COL23A1: variants seen among roughly 807,000 people sequenced by gnomAD.
The protein encoded by COL23A1 is collagen type XXIII alpha 1 chain.
A neutral mutation model predicts 99.3 loss-of-function variants in COL23A1; 97 were observed. That is an observed-to-expected ratio of 0.98 (90% confidence interval 0.83 to 1.16). COL23A1 has a LOEUF of 1.16. Among genes scored for constraint, COL23A1 ranks in the 50% most tolerant of loss-of-function variants. COL23A1 has a pLI of 0.00. For synonymous variants in COL23A1, 320 were observed against 308.2 expected, an observed-to-expected ratio of 1.04 and a Z score of -0.40; for missense variants, 762 against 757.4, an observed-to-expected ratio of 1.01 and a Z score of -0.07.
At chr5:178,461,356 G>C (rs944075745) in intron 2 of COL23A1, among the ~76,000 whole-genome samples, 3 of 152,230 alleles carry the variant, frequency 2.0e-5, no homozygotes, top group African/African-American at 7.2e-5. Flanking sequence ...AGGCCTGGAA[G>C]AGGAGCTGAG....
In COL23A1 at chr5:178,288,674, C is replaced by T. The variant is rs963150529; in HGVS notation, c.415-324G>A. 1.4e-5 allele frequency: 6 copies of T among 437,188 alleles called. No individual in the cohort carries two copies. The South Asian group carries it at 2.0e-4, about 15-fold the overall frequency. 27.1% of individuals were successfully genotyped at this position (437,188 alleles called of 1,614,324 possible). ...GGGGTTCTGGAGGGTGCAGCCACAA[C>T]CACACGACCAACCAGGAACTGAAAA... On this transcript the variant is annotated intron_variant, in intron 4 of 28. Coordinates refer to ENST00000390654, the MANE Select transcript of COL23A1 (RefSeq NM_173465.4).
intron 2 of COL23A1, among the ~76,000 whole-genome samples, chr5:178,388,668 T>C (rs1245120564): frequency 6.6e-6 from 1 of 152,138 alleles, no homozygotes; most frequent in African/African-American, 2.4e-5. Flanking sequence ...ATGGGCCTTC[T>C]GACTCATCCA....
intron 3 of COL23A1, among the ~76,000 whole-genome samples, chr5:178,300,301 T>C (rs1757963582): frequency 6.7e-6 from 1 of 148,342 alleles, no homozygotes; most frequent in East Asian, 2.1e-4. Context: ...CTCCTGACCT[T>C]GTGATCCACC....
At chr5:178,575,673 C>G in intron 1 of COL23A1, among the ~76,000 whole-genome samples, 1 of 152,192 alleles carries the variant, frequency 6.6e-6, no homozygotes, top group East Asian at 1.9e-4. Context: ...ATAGACAAGG[C>G]ACCTGCCACC....
chr5:178,569,885 C>T (rs1387830128), intron 1 of COL23A1, among the ~76,000 whole-genome samples: 1 of 152,146 alleles, frequency 6.6e-6, no homozygotes, highest in Admixed American at 6.5e-5. Context: ...TCATCCCTTC[C>T]AAGGGCTCAC....
At chr5:178,426,426 G>T (rs1353974958) in intron 2 of COL23A1, among the ~76,000 whole-genome samples, 1 of 152,168 alleles carries the variant, frequency 6.6e-6, no homozygotes, top group Non-Finnish European at 1.5e-5. Context: ...CTGCCCCATT[G>T]GGAATGCCTG....
At chr5:178,358,224 ATG>A (rs747443659) in intron 2 of COL23A1, among the ~76,000 whole-genome samples, 56 of 53,442 alleles carry the variant, frequency 1.0e-3, no homozygotes, top group East Asian at 8.8e-3. Flanking sequence ...TGTGTGTCTA[ATG>A]TGTGTATGTG....
chr5:178,392,099 A>C (rs1305812333), intron 2 of COL23A1, among the ~76,000 whole-genome samples: 1 of 148,316 alleles, frequency 6.7e-6, no homozygotes, highest in Non-Finnish European at 1.5e-5. Flanking sequence ...ATGGGTGGCT[A>C]GTAATAGGAG....
intron 1 of COL23A1, among the ~76,000 whole-genome samples, chr5:178,578,861 G>A (rs769319824): frequency 1.3e-5 from 2 of 151,902 alleles, no homozygotes; most frequent in Non-Finnish European, 2.9e-5. Context: ...CTTAATTAAA[G>A]CAAATTGATT....
chr5:178,484,821 CA>C (rs397746374), intron 2 of COL23A1, among the ~76,000 whole-genome samples: 3,489 of 90,350 alleles, frequency 0.039, 89 homozygotes, highest in African/African-American at 0.11. Context: ...GACTCTGTCT[CA>C]AAAAAAAAAA....
rs1380074626 is a variant in COL23A1, at chr5:178,257,548, C to T, written c.749G>A (p.Ser250Asn). 1 of 1,563,910 alleles carries T rather than the reference C, an allele frequency of 6.4e-7. No homozygotes were observed. Among genetic ancestry groups the T allele is most frequent in the Admixed American group, 1.9e-5 (1 of 52,596 alleles). Residue 250 changes from serine to asparagine, a missense_variant, in exon 13 of 29, where the codon AGC becomes AAC. By Grantham distance (46) the Ser-to-Asn change is conservative (BLOSUM62 1). Transcript: ENST00000390654. ...PGKKGDDGTP[S>N]QPGPPGPKGE... ...CTTGGGCCCTGGTGGTCCAGGCTGG[C>T]TTGGTGTCCCATCGTCGCCCTGAGG...
At chr5:178,484,601 A>C (rs1213598265) in intron 2 of COL23A1, among the ~76,000 whole-genome samples, 2 of 152,008 alleles carry the variant, frequency 1.3e-5, no homozygotes, top group Non-Finnish European at 2.9e-5. Flanking sequence ...AGGTGGGCGG[A>C]TCACGAGGTC....
intron 2 of COL23A1, among the ~76,000 whole-genome samples, chr5:178,558,459 C>T (rs1462217724): frequency 6.6e-6 from 1 of 152,096 alleles, no homozygotes; most frequent in African/African-American, 2.4e-5. Flanking sequence ...GTTAGTAACC[C>T]ACAGCAAGAA....
chr5:178,287,156 T>C (rs1438457166), intron 5 of COL23A1, among the ~76,000 whole-genome samples: 1 of 152,208 alleles, frequency 6.6e-6, no homozygotes, highest in Non-Finnish European at 1.5e-5. Context: ...GAAGAGCAGC[T>C]GGGGACTGCG....
chr5:178,489,164 G>A (rs953512212), intron 2 of COL23A1, among the ~76,000 whole-genome samples: 1 of 152,228 alleles, frequency 6.6e-6, no homozygotes, highest in Non-Finnish European at 1.5e-5. Context: ...CCTCAATGTG[G>A]GTGGGCACCA....
intron 2 of COL23A1, among the ~76,000 whole-genome samples, chr5:178,518,391 C>G (rs899477457): frequency 2.0e-5 from 3 of 151,198 alleles, no homozygotes; most frequent in African/African-American, 4.9e-5. Flanking sequence ...CATCCTGGCC[C>G]GTTCTCAATG....
intron 2 of COL23A1, among the ~76,000 whole-genome samples, chr5:178,444,911 AC>A (rs1366774807): frequency 6.6e-6 from 1 of 152,214 alleles, no homozygotes. Flanking sequence ...ACAGTAGCTT[AC>A]CTCATGTGAG....
chr5:178,565,432 T>C (rs1199341806), intron 1 of COL23A1, among the ~76,000 whole-genome samples: 2 of 152,198 alleles, frequency 1.3e-5, no homozygotes, highest in Non-Finnish European at 2.9e-5. Context: ...GCACAGCTTC[T>C]CTGCTCCCCT....
In COL23A1 at chr5:178,307,607, A is replaced by T. The variant is rs1007094097; in HGVS notation, c.362-688T>A. 6.6e-6 allele frequency among the ~76,000 whole-genome samples: 1 copy of T among 152,068 alleles called. No individual in the cohort carries two copies. Among genetic ancestry groups the T allele is most frequent in the Non-Finnish European group, 1.5e-5 (1 of 68,024 alleles). On this transcript the variant is annotated intron_variant, in intron 2 of 28. Coordinates refer to ENST00000390654, the MANE Select transcript of COL23A1 (RefSeq NM_173465.4). The surrounding 1 kb of genome is among the most constrained non-coding windows in gnomAD (Gnocchi z 4.2). ...GCCTCTGGCCCTCTGCCCACATCAGACCCTGAGACCAGAGTAACCTCAGCG... is the reference window on the plus strand; with the variant it reads ...GCCTCTGGCCCTCTGCCCACATCAGTCCCTGAGACCAGAGTAACCTCAGCG...
Sources: allele counts gnomAD v4.1 joint callset (sites outside exome capture counted in the v4.1 genomes callset), GRCh38; gene constraint gnomAD v4.1.1; non-coding constraint Gnocchi (gnomAD v3.1); transcripts MANE v1.5; gene names NCBI Gene and HGNC (gene_info 2026-07-23, HGNC 2026-07-21).